Variants in GIMAP8 observed in about 807,000 individuals in gnomAD.
GIMAP8 encodes GTPase, IMAP family member 8.
Under a neutral mutation model 35.6 loss-of-function variants are expected in GIMAP8, and 29 were observed. That is an observed-to-expected ratio of 0.81 (90% CI 0.61 to 1.11). The LOEUF (loss-of-function observed/expected upper bound fraction) is 1.11. GIMAP8 is among the 50% of genes most tolerant of loss of function. The probability of loss-of-function intolerance (pLI) is 0.00; values close to 1 mark genes in which losing one functional copy is unlikely to be tolerated. For synonymous variants in GIMAP8, 335 were observed against 308.7 expected, an observed-to-expected ratio of 1.09 and a Z score of -0.89; for missense variants, 811 against 805.0, an observed-to-expected ratio of 1.01 and a Z score of -0.09.
intron 1 of GIMAP8, among the ~76,000 whole-genome samples, chr7:150,453,311 G>A (rs908938451): frequency 2.6e-5 from 4 of 152,320 alleles, no homozygotes; most frequent in South Asian, 2.1e-4. Context: ...CTGGTGGACC[G>A]GTTCTGAGGT....
intron 1 of GIMAP8, among the ~76,000 whole-genome samples, chr7:150,465,149 A>G (rs1801925961): frequency 6.6e-6 from 1 of 152,234 alleles, no homozygotes; most frequent in Non-Finnish European, 1.5e-5. Context: ...ATCAAGGGGC[A>G]GAGACACTAG....
At position 150,470,722 on chromosome 7, in the gene GIMAP8, A is replaced by G. The variant is rs1802067888; in HGVS notation, c.637-107A>G. 3 of 772,688 alleles carry G rather than the reference A, an allele frequency of 3.9e-6. No individual in the cohort carries two copies. In the South Asian group the frequency reaches 5.2e-5, roughly 13 times the overall value. The allele number at this position is 772,688 out of a possible 1,614,324, so 47.9% of individuals were successfully genotyped here. Reference sequence around the variant, plus strand: ...TTGACCACATCTGACTCAGCAGATCATTCTGAATTAATACTTCAATTTCCT... The same window carrying G: ...TTGACCACATCTGACTCAGCAGATCGTTCTGAATTAATACTTCAATTTCCT... On this transcript the variant is annotated intron_variant, in intron 2 of 4. Coordinates refer to ENST00000307271, the MANE Select transcript of GIMAP8 (RefSeq NM_175571.4).
chr7:150,455,712 T>C (rs182961753), intron 1 of GIMAP8, among the ~76,000 whole-genome samples: 2 of 152,362 alleles, frequency 1.3e-5, no homozygotes, highest in East Asian at 3.9e-4. Flanking sequence ...AATTGTAGAT[T>C]CTGATTCAGT....
intron 1 of GIMAP8, among the ~76,000 whole-genome samples, chr7:150,460,784 T>C (rs1398166936): frequency 6.6e-6 from 1 of 152,238 alleles, no homozygotes; most frequent in Admixed American, 6.5e-5. Context: ...ATGTAACTTG[T>C]GCATTTAGGG....
chr7:150,452,740 C>CCAT (rs1258029702), intron 1 of GIMAP8, among the ~76,000 whole-genome samples: 5 of 127,928 alleles, frequency 3.9e-5, no homozygotes, highest in Non-Finnish European at 7.9e-5. Context: ...GCACCCACCA[C>CCAT]CATGCCTGGC....
intron 1 of GIMAP8, among the ~76,000 whole-genome samples, chr7:150,456,015 A>G (rs1031527915): frequency 1.5e-4 from 23 of 152,136 alleles, no homozygotes; most frequent in African/African-American, 5.3e-4. Flanking sequence ...CTTCAATCCC[A>G]TGCAAGAAGT....
At chr7:150,467,395 G>A (rs1025057650) in intron 2 of GIMAP8, 61 bp downstream of exon 2, 46 of 1,338,316 alleles carry the variant, frequency 3.4e-5, no homozygotes, top group Admixed American at 1.0e-4. Context: ...GGATGAAAGT[G>A]GGTATAAATA....
chr7:150,472,909 A>C lies in GIMAP8; in HGVS notation c.683-1103A>C, dbSNP rs1424875399. Among the ~76,000 whole-genome samples, 1 of 152,226 alleles carries C rather than the reference A, an allele frequency of 6.6e-6. No individual in the cohort carries two copies. Among genetic ancestry groups the C allele is most frequent in the Non-Finnish European group, 1.5e-5 (1 of 68,034 alleles). On this transcript the variant is annotated intron_variant, in intron 3 of 4. Transcript: ENST00000307271. The surrounding 1 kb of genome is among the most constrained non-coding windows in gnomAD (Gnocchi z 4.1). ...GACTCAAGTTCTTCCTTAACTGTGA[A>C]GCCTTCCATGCACACTTCCGTGCTA... is the stretch of plus-strand genomic sequence containing the variant.
chr7:150,467,208 C>T lies in GIMAP8; in HGVS notation c.510C>T (p.Asn170=), dbSNP rs765695742. ...DYEGRYCIFN[N]KTNSKDEQIT... is the part of the protein sequence containing the mutation. ...AGGGCCGATACTGCATTTTCAACAACAAGACCAATAGTAAGGATGAGCAGA... is the reference window on the plus strand; with the variant it reads ...AGGGCCGATACTGCATTTTCAACAATAAGACCAATAGTAAGGATGAGCAGA... The change falls in exon 2 of 5, where the codon AAC becomes AAT. Residue 170 remains asparagine (N), a synonymous_variant. Coordinates refer to ENST00000307271, the MANE Select transcript of GIMAP8 (RefSeq NM_175571.4). 1.2e-5 allele frequency: 19 copies of T among 1,614,090 alleles called. No homozygotes were observed. Among genetic ancestry groups the T allele is most frequent in the South Asian group, 1.1e-5 (1 of 91,090 alleles).
Position 150,452,605 on chromosome 7 carries a change from GTATGTATA to G in GIMAP8, c.-29+1444_-29+1451del, listed in dbSNP as rs1310363958. 1.8e-4 allele frequency among the ~76,000 whole-genome samples: 25 copies of G among 142,548 alleles called. No homozygotes were observed. The East Asian group carries it at 1.8e-3, about 11-fold the overall frequency. The allele number at this position is 142,548 out of a possible 152,430, so 93.5% of individuals were successfully genotyped here. A position where few individuals can be genotyped will look rare whatever the true frequency, so the allele number is the denominator to read the frequency against. Reference sequence around the variant, plus strand: ...TATATATGTATATATATGTATATATGTATGTATATATGTATATATGTGTATATATGTAT... The same window carrying G: ...TATATATGTATATATATGTATATATGTATGTATATATGTGTATATATGTAT... On this transcript the variant is annotated intron_variant, in intron 1 of 4. Coordinates refer to ENST00000307271, the MANE Select transcript of GIMAP8 (RefSeq NM_175571.4).
intron 3 of GIMAP8, among the ~76,000 whole-genome samples, chr7:150,471,815 C>A (rs1363122368): frequency 1.3e-5 from 2 of 149,356 alleles, no homozygotes; most frequent in African/African-American, 4.9e-5. Flanking sequence ...CCAGTCTGGG[C>A]AACAGAGCAA....
chr7:150,469,876 G>GA (rs1783703570), intron 2 of GIMAP8, among the ~76,000 whole-genome samples: 1 of 152,220 alleles, frequency 6.6e-6, no homozygotes. Context: ...CTTAAAGAAT[G>GA]ATGTAGTTCT....
intron 4 of GIMAP8, among the ~76,000 whole-genome samples, chr7:150,474,911 TC>T (rs941190379): frequency 2.6e-5 from 4 of 151,772 alleles, no homozygotes; most frequent in African/African-American, 9.7e-5. Context: ...AGTGTGATAT[TC>T]CCCTTCCTGT....
chr7:150,467,955 A>C (rs762592277), intron 2 of GIMAP8, among the ~76,000 whole-genome samples: 1 of 152,008 alleles, frequency 6.6e-6, no homozygotes, highest in Non-Finnish European at 1.5e-5. Context: ...AATATGTCCA[A>C]ATTTTTGATT....
At chr7:150,457,920 C>G (rs1414181616) in intron 1 of GIMAP8, among the ~76,000 whole-genome samples, 53 of 152,354 alleles carry the variant, frequency 3.5e-4, no homozygotes, top group Non-Finnish European at 1.2e-4. Flanking sequence ...ACTCTCCACT[C>G]CAGCTGCACT....
chr7:150,467,565 A>G (rs746202099), intron 2 of GIMAP8, among the ~76,000 whole-genome samples: 38 of 152,290 alleles, frequency 2.5e-4, no homozygotes, highest in Admixed American at 1.1e-3. Flanking sequence ...TTAAGCCTTT[A>G]TCTTACTTGG....
intron 1 of GIMAP8, among the ~76,000 whole-genome samples, chr7:150,461,305 T>G (rs886241274): frequency 1.3e-5 from 2 of 152,238 alleles, no homozygotes; most frequent in African/African-American, 4.8e-5. Flanking sequence ...CTAGATTATG[T>G]GTCCAATGTT....
rs764062527 is a variant in GIMAP8, at chr7:150,466,992, C to G, written c.294C>G (p.Leu98=). ...ELSAPSLHAL[L]LVIAIGHFTR... ...CTGCTCCCAGCCTCCATGCTCTGCT[C>G]TTGGTAATTGCCATCGGCCATTTCA... The change falls in exon 2 of 5, where the codon CTC becomes CTG. Residue 98 remains leucine (L), a synonymous_variant. Transcript: ENST00000307271. 3.7e-6 allele frequency: 6 copies of G among 1,614,218 alleles called. 1 individual carries two copies. The South Asian group carries it at 5.5e-5, about 15-fold the overall frequency.
At position 150,470,863 on chromosome 7, in the gene GIMAP8, A is replaced by T. The variant is rs1350435954; in HGVS notation, c.671A>T (p.Asp224Val). ...AATGAAGCTGCATCTCAAGAGGGAG[A>T]CAAGCCACAGGGTAAGTTGATCTTT... ...CVNEAASQEG[D>V]KPQGPRERQL... Residue 224 changes from aspartate to valine, a missense_variant, in exon 3 of 5, where the codon GAC becomes GTC. Coordinates refer to ENST00000307271, the MANE Select transcript of GIMAP8 (RefSeq NM_175571.4). 1 of 1,605,198 alleles carries T rather than the reference A, an allele frequency of 6.2e-7. No individual in the cohort carries two copies.
Sources: gnomAD v4.1 joint callset for allele counts (sites outside exome capture counted in the v4.1 genomes callset) on GRCh38, gnomAD v4.1.1 for gene constraint, Gnocchi (gnomAD v3.1) non-coding constraint, MANE v1.5 for transcripts, NCBI Gene and HGNC (gene_info 2026-07-23, HGNC 2026-07-21) for gene names.